Variants in ZDHHC3 observed in about 807,000 individuals in gnomAD.
ZDHHC3 encodes the protein palmitoyltransferase ZDHHC3.
In ZDHHC3, 9 loss-of-function variants were observed where a neutral mutation model predicts 30.6. The ratio of observed to expected loss-of-function variants is 0.29; its 90% CI spans 0.18 to 0.51. ZDHHC3 has a LOEUF of 0.51. ZDHHC3 is among the 20% of genes least tolerant of loss of function. The pLI, the probability that ZDHHC3 is intolerant of heterozygous loss-of-function variation, is 0.97. For missense variants in ZDHHC3, 246 were observed against 384.2 expected, an observed-to-expected ratio of 0.64 and a Z score of 3.01; for synonymous variants, 136 against 140.2, an observed-to-expected ratio of 0.97 and a Z score of 0.21.
Position 44,969,668 on chromosome 3 carries a change from T to G in ZDHHC3, c.-25+6265A>C, listed in dbSNP as rs535574301. ...AGGTGGCATTATCGAGTGGGCTGCATGCAGTGGTGCTCACAGGCCACAGGC... is the reference window on the plus strand; with the variant it reads ...AGGTGGCATTATCGAGTGGGCTGCAGGCAGTGGTGCTCACAGGCCACAGGC... On this transcript the variant is annotated intron_variant, in intron 1 of 6. Coordinates refer to ENST00000424952, the MANE Select transcript of ZDHHC3 (RefSeq NM_001135179.2). The G allele has an allele frequency of 2.0e-5, 3 of 152,292 alleles. No individual in the cohort carries two copies. In the South Asian group the frequency reaches 6.2e-4, roughly 32 times the overall value. The allele number at this position is 152,292 out of a possible 1,614,324, so 9.4% of individuals were successfully genotyped here.
intron 2 of ZDHHC3, among the ~76,000 whole-genome samples, chr3:44,955,182 T>C (rs1366234538): frequency 6.6e-6 from 1 of 152,186 alleles, no homozygotes; most frequent in Non-Finnish European, 1.5e-5. Flanking sequence ...TGTCCATTTG[T>C]CCTCCTCCCT....
chr3:44,954,441 AG>A (rs1422764938), intron 2 of ZDHHC3, among the ~76,000 whole-genome samples: 1 of 152,224 alleles, frequency 6.6e-6, no homozygotes, highest in Non-Finnish European at 1.5e-5. Context: ...TTTGTAGCCT[AG>A]GAACAAGAGG....
intron 2 of ZDHHC3, among the ~76,000 whole-genome samples, chr3:44,946,994 G>A (rs759425712): frequency 2.2e-4 from 33 of 152,326 alleles, no homozygotes; most frequent in Middle Eastern, 3.4e-3. Flanking sequence ...CAGACACCAC[G>A]TAGGAGGTTA....
chr3:44,933,471 C>G (rs567644622), intron 4 of ZDHHC3: 1 of 571,846 alleles, frequency 1.7e-6, no homozygotes, highest in African/African-American at 1.9e-5. Flanking sequence ...GCAGTATGAG[C>G]TGCCTGGGCG....
intron 3 of ZDHHC3, among the ~76,000 whole-genome samples, chr3:44,934,771 A>C (rs1701804577): frequency 6.6e-6 from 1 of 151,838 alleles, no homozygotes; most frequent in African/African-American, 2.4e-5. Context: ...GCATGCCTGT[A>C]ATCCCAGCTA....
chr3:44,945,084 G>A, intron 3 of ZDHHC3, 84 bp downstream of exon 3: 1 of 1,591,696 alleles, frequency 6.3e-7, no homozygotes. Context: ...GGAAGTGTGT[G>A]CTACTCCAGG....
chr3:44,974,761 A>G (rs552494924), intron 1 of ZDHHC3, among the ~76,000 whole-genome samples: 24 of 152,348 alleles, frequency 1.6e-4, no homozygotes, highest in Admixed American at 1.4e-3. Flanking sequence ...AGAACTGATC[A>G]TCAATTTTGG....
chr3:44,951,202 A>G (rs1703416828), intron 2 of ZDHHC3, among the ~76,000 whole-genome samples: 1 of 152,224 alleles, frequency 6.6e-6, no homozygotes, highest in African/African-American at 2.4e-5. Flanking sequence ...TCCAAAATAT[A>G]CATTTGGCCC....
chr3:44,945,450 C>A, intron 2 of ZDHHC3, 158 bp from the exon 3 acceptor site: 2 of 1,087,526 alleles, frequency 1.8e-6, no homozygotes, highest in Non-Finnish European at 2.6e-6. Flanking sequence ...AGAATTATGC[C>A]AACATTAAGG....
rs1700582938 is a variant in ZDHHC3 at position 44,921,380 on chromosome 3, T to C, written c.*5309A>G. The C allele has an allele frequency of 1.0e-6, 1 of 985,254 alleles. No individual in the cohort carries two copies. The highest frequency in any genetic ancestry group is 4.7e-5 in the South Asian group (1 of 21,292). The allele number at this position is 985,254 out of a possible 1,614,324, so 61.0% of individuals were successfully genotyped here. A position where few individuals can be genotyped will look rare whatever the true frequency, so the allele number is the denominator to read the frequency against. On this transcript the variant is annotated 3_prime_UTR_variant, in exon 7 of 7. Coordinates refer to ENST00000424952, the MANE Select transcript of ZDHHC3 (RefSeq NM_001135179.2). ...CTCTTCATAGCGGGCCAGATAACAC[T>C]GTCTCTCCTCATCAGAGATTTCATA...
intron 2 of ZDHHC3, among the ~76,000 whole-genome samples, chr3:44,955,457 T>TATA (rs1553691496): frequency 2.6e-4 from 38 of 143,958 alleles, no homozygotes; most frequent in African/African-American, 3.3e-4. Flanking sequence ...CACAAGGTTT[T>TATA]TATATATATA....
intron 4 of ZDHHC3, 128 bp from the exon 5 acceptor site, chr3:44,933,327 G>C: frequency 1.3e-6 from 1 of 799,724 alleles, no homozygotes; most frequent in Non-Finnish European, 2.1e-6. Flanking sequence ...GACCAGGAGG[G>C]ACCAGAGGGC....
intron 2 of ZDHHC3, among the ~76,000 whole-genome samples, chr3:44,954,097 C>T (rs1047111310): frequency 6.6e-6 from 1 of 152,116 alleles, no homozygotes; most frequent in African/African-American, 2.4e-5. Flanking sequence ...AATATTTCCA[C>T]TCAATGACTT....
Position 44,920,342 on chromosome 3 carries a change from T to G in ZDHHC3, c.*6347A>C. Reference sequence around the variant, plus strand: ...TCCTGGGTGATCATCTGCAGCCTGTTGAGAAAGAGGCTTTAACTTCATAGC... The same window carrying G: ...TCCTGGGTGATCATCTGCAGCCTGTGGAGAAAGAGGCTTTAACTTCATAGC... On this transcript the variant is annotated 3_prime_UTR_variant, in exon 7 of 7. Coordinates refer to ENST00000424952, the MANE Select transcript of ZDHHC3 (RefSeq NM_001135179.2). The G allele has an allele frequency of 7.8e-7, 1 of 1,289,714 alleles. No homozygotes were observed. The highest frequency in any genetic ancestry group is 2.3e-5 in the Admixed American group (1 of 43,560). The allele number at this position is 1,289,714 out of a possible 1,614,324, so 79.9% of individuals were successfully genotyped here. A position where few individuals can be genotyped will look rare whatever the true frequency, so the allele number is the denominator to read the frequency against.
Position 44,918,064 on chromosome 3 carries a change from C to G in ZDHHC3, c.*8625G>C. 7.7e-7 allele frequency: 1 copy of G among 1,305,414 alleles called. No homozygotes were observed. Among genetic ancestry groups the G allele is most frequent in the South Asian group, 1.2e-5 (1 of 81,028 alleles). 80.9% of individuals were successfully genotyped at this position (1,305,414 alleles called of 1,614,324 possible). A position where few individuals can be genotyped will look rare whatever the true frequency, so the allele number is the denominator to read the frequency against. On this transcript the variant is annotated 3_prime_UTR_variant, in exon 7 of 7. Transcript: ENST00000424952. ...GTTGAACCAGTTCAGGGAGAAGTCC[C>G]CACCAAAGGTCTCCTTTACTGACTG...
Position 44,917,512 on chromosome 3 carries a change from A to C in ZDHHC3, c.*9177T>G. 1 of 209,912 alleles carries C rather than the reference A, an allele frequency of 4.8e-6. No individual in the cohort carries two copies. Among genetic ancestry groups the C allele is most frequent in the Non-Finnish European group, 9.8e-6 (1 of 102,564 alleles). 13.0% of individuals were successfully genotyped at this position (209,912 alleles called of 1,614,324 possible). A position where few individuals can be genotyped will look rare whatever the true frequency, so the allele number is the denominator to read the frequency against. ...AGGGGCCCAGCCTTCCCAAGAGAAG[A>C]CAGAAATCCTGGGGAAAGCCAAAGG... On this transcript the variant is annotated 3_prime_UTR_variant, in exon 7 of 7. Coordinates refer to ENST00000424952, the MANE Select transcript of ZDHHC3 (RefSeq NM_001135179.2).
chr3:44,933,224 A>AC, intron 4 of ZDHHC3, 25 bp from the exon 5 acceptor site: 1 of 1,609,520 alleles, frequency 6.2e-7, no homozygotes, highest in Non-Finnish European at 8.5e-7. Context: ...CAGTGCAGAC[A>AC]CCATTGTTGT....
chr3:44,951,034 A>G (rs1703404708), intron 2 of ZDHHC3, among the ~76,000 whole-genome samples: 2 of 152,238 alleles, frequency 1.3e-5, no homozygotes, highest in Admixed American at 1.3e-4. Flanking sequence ...AAGAAAATAC[A>G]GATGAAAAAG....
Position 44,924,831 on chromosome 3 carries a change from CA to C in ZDHHC3, c.*1857del. 3.0e-6 allele frequency: 3 copies of C among 985,498 alleles called. No individual in the cohort carries two copies. The highest frequency in any genetic ancestry group is 3.6e-6 in the Non-Finnish European group (3 of 829,926). 61.0% of individuals were successfully genotyped at this position (985,498 alleles called of 1,614,324 possible). On this transcript the variant is annotated 3_prime_UTR_variant, in exon 7 of 7. Coordinates refer to ENST00000424952, the MANE Select transcript of ZDHHC3 (RefSeq NM_001135179.2). ...ATGCTATCAACTTGATCTAAAACAG[CA>C]TTCTTTTCTTTTTAATCTTAGCATC...
Sources: allele counts gnomAD v4.1 joint callset (sites outside exome capture counted in the v4.1 genomes callset), GRCh38; gene constraint gnomAD v4.1.1; transcripts MANE v1.5; gene names NCBI Gene and HGNC (gene_info 2026-07-23, HGNC 2026-07-21).